Variants in CTIF observed in about 807,000 individuals in gnomAD.
CTIF encodes the protein cap binding complex dependent translation initiation factor, also known as CBP80/20-dependent translation initiation factor.
In CTIF, 21 loss-of-function variants were observed where a neutral mutation model predicts 66.0. The observed-to-expected ratio is 0.32, with a 90% CI of 0.23 to 0.46. The LOEUF is 0.46. Ranked by LOEUF, CTIF falls within the 20% of genes least tolerant of loss-of-function variation. The pLI is 1.00. For missense variants in CTIF, 739 were observed against 812.7 expected (o/e 0.91, Z 1.10); for synonymous variants, 345 against 326.4 (o/e 1.06, Z -0.62).
chr18:48,857,359 A>G (rs534697665), intron 10 of CTIF, among the ~76,000 whole-genome samples: 68 of 152,258 alleles, frequency 4.5e-4, no homozygotes, highest in African/African-American at 1.6e-3. Flanking sequence ...GCACCATCAC[A>G]CTGACCTCCA....
At chr18:48,752,443 ATAAG>A (rs1258324089) in intron 7 of CTIF, among the ~76,000 whole-genome samples, 4 of 152,202 alleles carry the variant, frequency 2.6e-5, no homozygotes, top group Non-Finnish European at 5.9e-5. Flanking sequence ...GAGATCTCCA[ATAAG>A]TAATTGTTAA....
At chr18:48,821,973 C>T (rs1206138424) in intron 10 of CTIF, among the ~76,000 whole-genome samples, 2 of 152,148 alleles carry the variant, frequency 1.3e-5, no homozygotes, top group Non-Finnish European at 2.9e-5. Flanking sequence ...CATTGATTAG[C>T]GACTCCCCAT....
chr18:48,683,894 C>A (rs2091790175), intron 6 of CTIF, among the ~76,000 whole-genome samples: 4 of 152,198 alleles, frequency 2.6e-5, no homozygotes, highest in Non-Finnish European at 2.9e-5. Context: ...CCCAGGCTCC[C>A]AAGCTCTCAT....
rs2090460180 is a variant in CTIF at position 48,619,759 on chromosome 18, C to T, written c.180+14C>T. The T allele has an allele frequency of 8.4e-6, 13 of 1,539,142 alleles. No individual in the cohort carries two copies. Among genetic ancestry groups the T allele is most frequent in the African/African-American group, 1.4e-5 (1 of 73,078 alleles). ...CACATCTCCCAGGTGAGCGCGGGCC[C>T]GGGGTTGGGGCAGCTTGGGAAATTC... On this transcript the variant is annotated intron_variant, in intron 2 of 11. Transcript: ENST00000256413.
intron 7 of CTIF, among the ~76,000 whole-genome samples, chr18:48,744,654 A>G (rs2145773331): frequency 6.6e-6 from 1 of 152,250 alleles, no homozygotes; most frequent in Middle Eastern, 3.4e-3. Context: ...ACTTTTTTTC[A>G]TAACCACAAT....
intron 7 of CTIF, among the ~76,000 whole-genome samples, chr18:48,717,809 C>T (rs1438097788): frequency 6.6e-6 from 1 of 152,178 alleles, no homozygotes; most frequent in Non-Finnish European, 1.5e-5. Flanking sequence ...TCATTGCAGC[C>T]TTGAACTCCT....
intron 6 of CTIF, among the ~76,000 whole-genome samples, chr18:48,673,907 C>G (rs1200441273): frequency 6.6e-6 from 1 of 152,208 alleles, no homozygotes; most frequent in East Asian, 1.9e-4. Flanking sequence ...ATTGGACACC[C>G]CTGCTGTATG....
intron 3 of CTIF, among the ~76,000 whole-genome samples, chr18:48,659,205 A>G (rs1034549250): frequency 3.9e-5 from 6 of 152,100 alleles, no homozygotes; most frequent in African/African-American, 1.4e-4. Flanking sequence ...TCTTATATCA[A>G]GTAGAGTGGC....
intron 7 of CTIF, among the ~76,000 whole-genome samples, chr18:48,724,896 G>C (rs181922050): frequency 3.6e-4 from 55 of 152,348 alleles, no homozygotes; most frequent in African/African-American, 1.0e-3. Context: ...GAATACGACT[G>C]CCCTTGTGTT....
intron 9 of CTIF, among the ~76,000 whole-genome samples, chr18:48,802,864 C>T (rs1380266922): frequency 6.6e-6 from 1 of 152,202 alleles, no homozygotes; most frequent in East Asian, 1.9e-4. Context: ...CTGCTTGTCC[C>T]ACTGGTATTC....
rs538105054 is a variant in CTIF at position 48,722,618 on chromosome 18, G to A, written c.584+10923G>A. 1.5e-4 allele frequency among the ~76,000 whole-genome samples: 23 copies of A among 151,418 alleles called. No individual in the cohort carries two copies. The South Asian group carries it at 4.2e-3, about 27-fold the overall frequency. On this transcript the variant is annotated intron_variant, in intron 7 of 11. Transcript: ENST00000256413. ...TTGGTGCTCACAGGTGTAAGCACCC[G>A]GCCGTACTCATCGGCACTCACAGGT...
At chr18:48,772,534 C>CCCTACAGCAATAACTCCCCTACAGCAATA (rs1290873670) in intron 9 of CTIF, among the ~76,000 whole-genome samples, 14 of 151,944 alleles carry the variant, frequency 9.2e-5, no homozygotes, top group Non-Finnish European at 1.9e-4. Flanking sequence ...GCCTCCCCTC[C>CCCTACAGCAATAACTCCCCTACAGCAATA]ATCTTCCATC....
intron 6 of CTIF, among the ~76,000 whole-genome samples, chr18:48,710,796 A>AC (rs1411574094): frequency 1.3e-5 from 2 of 152,068 alleles, no homozygotes; most frequent in East Asian, 1.9e-4. Context: ...ACAAAGTGAG[A>AC]CCCCATCTCT....
chr18:48,666,881 A>G (rs1598832646), intron 5 of CTIF, among the ~76,000 whole-genome samples: 1 of 151,856 alleles, frequency 6.6e-6, no homozygotes, highest in African/African-American at 2.4e-5. Context: ...GGATGGCCTT[A>G]CCTACCTTTC....
intron 6 of CTIF, among the ~76,000 whole-genome samples, chr18:48,679,855 G>A (rs1273001560): frequency 6.6e-6 from 1 of 152,174 alleles, no homozygotes; most frequent in Non-Finnish European, 1.5e-5. Flanking sequence ...ACTGGGCCTT[G>A]GGGGGTGGCC....
intron 9 of CTIF, among the ~76,000 whole-genome samples, chr18:48,801,423 T>G (rs1443719184): frequency 6.6e-6 from 1 of 152,224 alleles, no homozygotes; most frequent in Non-Finnish European, 1.5e-5. Context: ...CCAGTAGACA[T>G]TTTGGGATAC....
chr18:48,569,695 A>C (rs1363990400), intron 1 of CTIF, among the ~76,000 whole-genome samples: 2 of 152,126 alleles, frequency 1.3e-5, no homozygotes, highest in Non-Finnish European at 2.9e-5. Flanking sequence ...TCCTCCAAAG[A>C]CCAGTTCAGT....
chr18:48,607,691 G>T (rs2144243720), intron 1 of CTIF, among the ~76,000 whole-genome samples: 1 of 152,282 alleles, frequency 6.6e-6, no homozygotes, highest in South Asian at 2.1e-4. Context: ...TGAGCTGGAG[G>T]GTGGTGGGGG....
intron 7 of CTIF, among the ~76,000 whole-genome samples, chr18:48,713,565 A>G (rs2092250542): frequency 2.0e-5 from 3 of 151,888 alleles, no homozygotes; most frequent in African/African-American, 4.8e-5. Flanking sequence ...AGGTCAGCAC[A>G]CCTCCCAAAG....
Sources: allele counts gnomAD v4.1 joint callset (sites outside exome capture counted in the v4.1 genomes callset), GRCh38; gene constraint gnomAD v4.1.1; transcripts MANE v1.5; gene names NCBI Gene and HGNC (gene_info 2026-07-23, HGNC 2026-07-21).